Variants in TMEM145 observed in about 807,000 individuals in gnomAD.
The protein encoded by TMEM145 is transmembrane protein 145.
In TMEM145, 46 loss-of-function variants were observed where a neutral mutation model predicts 68.5. The observed-to-expected ratio is 0.67, with a 90% CI of 0.53 to 0.86. The LOEUF (loss-of-function observed/expected upper bound fraction) is 0.86. TMEM145 is among the 40% of genes least tolerant of loss of function. The probability of loss-of-function intolerance (pLI) is 0.00; values close to 1 mark genes in which losing one functional copy is unlikely to be tolerated. For synonymous variants in TMEM145, 255 were observed against 280.2 expected (o/e 0.91, Z 0.90); for missense variants, 570 against 645.8 (o/e 0.88, Z 1.27).
In TMEM145 at chr19:42,314,064, T is replaced by TG. The variant is rs560860365; in HGVS notation, c.121-201dup. ...GTGTTTGAATGGAGGGGAGGAAACT[T>TG]GGGGGGGCAATGGAGGGAGAAAATC... On this transcript the variant is annotated intron_variant, in intron 1 of 14. Transcript: ENST00000301204. Among the ~76,000 whole-genome samples the TG allele has an allele frequency of 3.3e-4, 50 of 150,308 alleles. No individual in the cohort carries two copies. The East Asian group carries it at 8.7e-3, about 26-fold the overall frequency.
rs2038825597 is a variant in TMEM145, at chr19:42,313,688, A to C, written c.120+192A>C. Among the ~76,000 whole-genome samples, 1 of 151,788 alleles carries C rather than the reference A, an allele frequency of 6.6e-6. No individual in the cohort carries two copies. The highest frequency in any genetic ancestry group is 1.5e-5 in the Non-Finnish European group (1 of 67,916). On this transcript the variant is annotated intron_variant, in intron 1 of 14. Transcript: ENST00000301204. The surrounding 1 kb of genome is among the most constrained non-coding windows in gnomAD (Gnocchi z 5.1). ...AGGGGAGCCGTAGGGTCGCGGCCAGACCTGGGGGTTGTAGGAGGGACGTTG... is the reference window on the plus strand; with the variant it reads ...AGGGGAGCCGTAGGGTCGCGGCCAGCCCTGGGGGTTGTAGGAGGGACGTTG...
At chr19:42,324,636 T>TGC in intron 14 of TMEM145, 101 bp from the exon 15 acceptor site, 2 of 614,110 alleles carry the variant, frequency 3.3e-6, no homozygotes, top group Admixed American at 1.7e-4. Context: ...TTCCCGACCC[T>TGC]TCCCACCCCG....
rs2038823884 is a variant in TMEM145 at position 42,313,523 on chromosome 19, GC to G, written c.120+30del. 2 of 1,258,292 alleles carry G rather than the reference GC, an allele frequency of 1.6e-6. No homozygotes were observed. The highest frequency in any genetic ancestry group is 3.1e-5 in the African/African-American group (2 of 64,330). The allele number at this position is 1,258,292 out of a possible 1,614,324, so 77.9% of individuals were successfully genotyped here. A position where few individuals can be genotyped will look rare whatever the true frequency, so the allele number is the denominator to read the frequency against. On this transcript the variant is annotated intron_variant, in intron 1 of 14. Transcript: ENST00000301204. This position sits in a 1 kb window ranked among gnomAD's most constrained non-coding sequence, Gnocchi z 5.1. ...TGAGCATGCCGAGCCCTCCTCTGCG[GC>G]CCGCCGGCCCCCGGGGGACGCAAGG...
chr19:42,320,233 G>T, intron 12 of TMEM145, 84 bp from the exon 13 acceptor site: 1 of 1,576,226 alleles, frequency 6.3e-7, no homozygotes, highest in Non-Finnish European at 8.6e-7. Context: ...GGGTCTGCGT[G>T]TGTACATGGC....
intron 13 of TMEM145, chr19:42,321,248 C>T (rs1345231726): frequency 2.5e-5 from 10 of 393,314 alleles, no homozygotes; most frequent in South Asian, 1.3e-4. Context: ...TTTTTTGAGA[C>T]GGAGTCTCAC....
rs2038839124 is a variant in TMEM145, at chr19:42,314,863, G to A, written c.420+12G>A. On this transcript the variant is annotated intron_variant, in intron 5 of 14. Transcript: ENST00000301204. ...GCAGCTTCCGCTCAGTGCGTGAACG[G>A]TGGTGGTATATTGCGCTCAGCAAGT... 1.2e-6 allele frequency: 2 copies of A among 1,614,086 alleles called. No homozygotes were observed. Among genetic ancestry groups the A allele is most frequent in the South Asian group, 2.2e-5 (2 of 91,094 alleles).
chr19:42,315,023 G>T lies in TMEM145; in HGVS notation c.451G>T (p.Val151Phe). The T allele has an allele frequency of 1.2e-6, 2 of 1,614,034 alleles. No individual in the cohort carries two copies. Among genetic ancestry groups the T allele is most frequent in the Middle Eastern group, 1.6e-4 (1 of 6,062 alleles). ...TGGATTGCAGCTGGAGTATGAGATGGTCCTCACCAATGGCAAGTCCTTCTG... is the reference window on the plus strand; with the variant it reads ...TGGATTGCAGCTGGAGTATGAGATGTTCCTCACCAATGGCAAGTCCTTCTG... ...GDGLQLEYEM[V>F]LTNGKSFWTR... The change falls in exon 6 of 15, where the codon GTC becomes TTC. Residue 151 changes from valine (V) to phenylalanine (F), a missense_variant. Val to Phe is a conservative substitution (Grantham distance 50). Coordinates refer to ENST00000301204, the MANE Select transcript of TMEM145 (RefSeq NM_173633.3).
intron 13 of TMEM145, chr19:42,321,344 T>G: frequency 1.1e-4 from 40 of 358,222 alleles, no homozygotes; most frequent in Middle Eastern, 7.1e-4. Flanking sequence ...GCCTCCGGAG[T>G]AGCTGGGACT....
Position 42,324,879 on chromosome 19 carries a change from CT to C in TMEM145, c.*63del. 7.0e-7 allele frequency: 1 copy of C among 1,429,150 alleles called. No individual in the cohort carries two copies. Among genetic ancestry groups the C allele is most frequent in the Non-Finnish European group, 9.1e-7 (1 of 1,094,028 alleles). The allele number at this position is 1,429,150 out of a possible 1,614,324, so 88.5% of individuals were successfully genotyped here. Reference sequence around the variant, plus strand: ...GGACCCTGCCTGTGACTCTCCAGGACTCTGCGACCCCGGGATGGATATTGCG... The same window carrying C: ...GGACCCTGCCTGTGACTCTCCAGGACCTGCGACCCCGGGATGGATATTGCG... On this transcript the variant is annotated 3_prime_UTR_variant, in exon 15 of 15. Transcript: ENST00000301204.
chr19:42,324,548 C>T (rs1186155196), intron 14 of TMEM145, 189 bp from the exon 15 acceptor site: 8 of 985,240 alleles, frequency 8.1e-6, no homozygotes, highest in Non-Finnish European at 9.6e-6. Context: ...CGCCCCTGCC[C>T]CATGGGCCAT....
intron 7 of TMEM145, 30 bp from the exon 8 acceptor site, chr19:42,315,342 T>G (rs757086755): frequency 6.2e-7 from 1 of 1,614,068 alleles, no homozygotes; most frequent in East Asian, 2.2e-5. Context: ...TTTCTGCCTG[T>G]GGACAGCCTT....
chr19:42,314,772 G>C lies in TMEM145; in HGVS notation c.361-20G>C. 3.1e-6 allele frequency: 5 copies of C among 1,614,090 alleles called. No individual in the cohort carries two copies. Among genetic ancestry groups the C allele is most frequent in the Non-Finnish European group, 4.2e-6 (5 of 1,179,912 alleles). ...TTCGGGGCATCAAGGACAGGCTTCA[G>C]CCTTCTCGTTTGTCCCCAGGTGGTA... On this transcript the variant is annotated intron_variant, in intron 4 of 14. Coordinates refer to ENST00000301204, the MANE Select transcript of TMEM145 (RefSeq NM_173633.3).
At chr19:42,322,876 T>G (rs2147425184) in intron 13 of TMEM145, among the ~76,000 whole-genome samples, 2 of 152,198 alleles carry the variant, frequency 1.3e-5, no homozygotes, top group South Asian at 4.2e-4. Context: ...AATTTTTGTA[T>G]TTTTAGTAGA....
Position 42,316,927 on chromosome 19 carries a change from G to C in TMEM145, c.864G>C (p.Thr288=). 1 of 1,613,750 alleles carries C rather than the reference G, an allele frequency of 6.2e-7. No individual in the cohort carries two copies. Among genetic ancestry groups the C allele is most frequent in the Non-Finnish European group, 8.5e-7 (1 of 1,179,970 alleles). ...TGTCTGTCTACATGACCCTGTACACGCTCACCCATGTGGTGCTGCTCATCT... is the reference window on the plus strand; with the variant it reads ...TGTCTGTCTACATGACCCTGTACACCCTCACCCATGTGGTGCTGCTCATCT... The part of the protein sequence containing the change: ...VKLSVYMTLY[T]LTHVVLLIYE... The change falls in exon 11 of 15, where the codon ACG becomes ACC. Residue 288 remains threonine (T), a synonymous_variant. Transcript: ENST00000301204.
Position 42,324,793 on chromosome 19 carries a change from C to A in TMEM145, c.1458C>A (p.Pro486=). The A allele has an allele frequency of 6.4e-7, 1 of 1,569,368 alleles. No homozygotes were observed. The highest frequency in any genetic ancestry group is 2.5e-5 in the East Asian group (1 of 40,450). The change falls in exon 15 of 15, where the codon CCC becomes CCA. Residue 486 remains proline (P), a synonymous_variant. Transcript: ENST00000301204. The stretch of plus-strand genomic sequence containing the variant: ...TCCCGCTGTTCCGTGACCTCCGGCC[C>A]CCTGGCCCCCTTCGAGACCTCTGAC... The part of the protein sequence containing the change: ...SGLPLFRDLR[P]PGPLRDL
chr19:42,314,764 A>T (rs1376044287), intron 4 of TMEM145, 28 bp from the exon 5 acceptor site: 1 of 1,614,076 alleles, frequency 6.2e-7, no homozygotes, highest in Non-Finnish European at 8.5e-7. Context: ...CATCAAGGAC[A>T]GGCTTCAGCC....
intron 8 of TMEM145, among the ~76,000 whole-genome samples, chr19:42,315,740 G>T (rs778969136): frequency 3.3e-5 from 5 of 151,900 alleles, no homozygotes; most frequent in Non-Finnish European, 5.9e-5. Flanking sequence ...GAGTATAAAG[G>T]CCGGAACTAG....
chr19:42,316,877 A>G lies in TMEM145; in HGVS notation c.814A>G (p.Ile272Val). Residue 272 changes from isoleucine to valine, a missense_variant, in exon 11 of 15, where the codon ATC becomes GTC. Ile to Val is a conservative substitution (Grantham distance 29, BLOSUM62 3). Coordinates refer to ENST00000301204, the MANE Select transcript of TMEM145 (RefSeq NM_173633.3). The stretch of plus-strand genomic sequence containing the variant: ...CTCATGGCCTGCTGCCAGGGGCCGC[A>G]TCAGCCACGCGGGCTCCGTGAAGTT... The part of the protein sequence containing the change: ...GKGFTVTRGR[I>V]SHAGSVKLSV... 6.2e-7 allele frequency: 1 copy of G among 1,613,484 alleles called. No homozygotes were observed. The highest frequency in any genetic ancestry group is 2.2e-5 in the East Asian group (1 of 44,868).
intron 13 of TMEM145, 71 bp downstream of exon 13, chr19:42,320,508 T>C: frequency 6.3e-7 from 1 of 1,598,078 alleles, no homozygotes. Context: ...CTCCTACACC[T>C]GATCTGCTGG....
Sources: gnomAD v4.1 joint callset for allele counts (sites outside exome capture counted in the v4.1 genomes callset) on GRCh38, gnomAD v4.1.1 for gene constraint, Gnocchi (gnomAD v3.1) non-coding constraint, MANE v1.5 for transcripts, NCBI Gene and HGNC (gene_info 2026-07-23, HGNC 2026-07-21) for gene names.